The following KCMF1 variants were observed in gnomAD, a reference collection of about 807,000 sequenced individuals.
KCMF1 encodes E3 ubiquitin-protein ligase KCMF1.
In KCMF1, 3 loss-of-function variants were observed where a neutral mutation model predicts 41.1. That is an observed-to-expected ratio of 0.07 (90% CI 0.03 to 0.19). The LOEUF is 0.19. Among genes scored for constraint, KCMF1 ranks in the 10% least tolerant of loss-of-function variants. The pLI is 1.00. For synonymous variants in KCMF1, 142 were observed against 164.5 expected (o/e 0.86, Z 1.04); for missense variants, 286 against 488.9 (o/e 0.58, Z 3.91).
At chr2:85,017,239 G>A (rs1674796930) in intron 1 of KCMF1, among the ~76,000 whole-genome samples, 1 of 151,442 alleles carries the variant, frequency 6.6e-6, no homozygotes, top group Non-Finnish European at 1.5e-5. Context: ...TGTTAGCCAG[G>A]ATGGTCTCGA....
At position 84,974,683 on chromosome 2, in the gene KCMF1, ATATATATATTTTTTTTTTT is replaced by A. The variant is rs1211677375; in HGVS notation, c.16+3218_16+3236del. 1.5e-4 allele frequency among the ~76,000 whole-genome samples: 6 copies of A among 39,698 alleles called. No homozygotes were observed. The South Asian group carries it at 6.1e-3, about 40-fold the overall frequency. 26.0% of individuals were successfully genotyped at this position (39,698 alleles called of 152,430 possible). On this transcript the variant is annotated intron_variant, in intron 1 of 6. Coordinates refer to ENST00000409785, the MANE Select transcript of KCMF1 (RefSeq NM_020122.5). ...CATATATATATATATATATATATATATATATATATTTTTTTTTTTTTTTTTTTTTTTTTTTTTTTTGAGA... is the reference window on the plus strand; with the variant it reads ...CATATATATATATATATATATATATATTTTTTTTTTTTTTTTTTTTTGAGA...
chr2:85,050,326 T>C (rs534368411), intron 6 of KCMF1, among the ~76,000 whole-genome samples: 84 of 152,316 alleles, frequency 5.5e-4, no homozygotes, highest in East Asian at 5.0e-3. Flanking sequence ...CTTTGAAATA[T>C]TAAAAGTATA....
intron 1 of KCMF1, among the ~76,000 whole-genome samples, chr2:85,015,085 C>T (rs1354560422): frequency 7.2e-6 from 1 of 139,200 alleles, no homozygotes; most frequent in African/African-American, 2.7e-5. Context: ...ACCAAGGAGG[C>T]GGAGGTTGCA....
intron 1 of KCMF1, among the ~76,000 whole-genome samples, chr2:84,976,607 G>A (rs1237769796): frequency 6.6e-6 from 1 of 151,104 alleles, no homozygotes; most frequent in East Asian, 1.9e-4. Context: ...CTAGATGGGA[G>A]GCTGAGAGAC....
In KCMF1 at chr2:85,054,350, A is replaced by G. The variant is rs904377152; in HGVS notation, c.*941A>G. 3 of 152,080 alleles carry G rather than the reference A, an allele frequency of 2.0e-5. No individual in the cohort carries two copies. Among genetic ancestry groups the G allele is most frequent in the Non-Finnish European group, 4.4e-5 (3 of 68,022 alleles). The allele number at this position is 152,080 out of a possible 1,614,324, so 9.4% of individuals were successfully genotyped here. On this transcript the variant is annotated 3_prime_UTR_variant, in exon 7 of 7. Coordinates refer to ENST00000409785, the MANE Select transcript of KCMF1 (RefSeq NM_020122.5). ...CAATCATATTTTGCATTATTTATGT[A>G]TTTGCTTTGTAGTTTGCTGAGACAG...
chr2:85,055,213 A>G lies in KCMF1; in HGVS notation c.*1804A>G, dbSNP rs1386975311. 2.6e-5 allele frequency: 4 copies of G among 152,254 alleles called. No individual in the cohort carries two copies. Among genetic ancestry groups the G allele is most frequent in the Admixed American group, 2.6e-4 (4 of 15,290 alleles). The allele number at this position is 152,254 out of a possible 1,614,324, so 9.4% of individuals were successfully genotyped here. A position where few individuals can be genotyped will look rare whatever the true frequency, so the allele number is the denominator to read the frequency against. Reference sequence around the variant, plus strand: ...TTTCAAACACATCTGCACATAAGTCACACATTTCAATAAAGCATTTTCAAG... The same window carrying G: ...TTTCAAACACATCTGCACATAAGTCGCACATTTCAATAAAGCATTTTCAAG... On this transcript the variant is annotated 3_prime_UTR_variant, in exon 7 of 7. Transcript: ENST00000409785.
intron 1 of KCMF1, among the ~76,000 whole-genome samples, chr2:85,025,552 C>T (rs1558579897): frequency 3.3e-5 from 5 of 152,108 alleles, no homozygotes; most frequent in Non-Finnish European, 4.4e-5. Flanking sequence ...TTCTGGCAAC[C>T]ACTGTTCTAC....
Position 85,057,294 on chromosome 2 carries a change from T to G in KCMF1, c.*3885T>G, listed in dbSNP as rs945845391. Reference sequence around the variant, plus strand: ...ATCTGTGCTCTTTCTAAAGCTCAACTAGACACTAAAACAGTTCTCTCCTTG... The same window carrying G: ...ATCTGTGCTCTTTCTAAAGCTCAACGAGACACTAAAACAGTTCTCTCCTTG... On this transcript the variant is annotated 3_prime_UTR_variant, in exon 7 of 7. Coordinates refer to ENST00000409785, the MANE Select transcript of KCMF1 (RefSeq NM_020122.5). 4 of 152,164 alleles carry G rather than the reference T, an allele frequency of 2.6e-5. No homozygotes were observed. Among genetic ancestry groups the G allele is most frequent in the African/African-American group, 9.7e-5 (4 of 41,424 alleles). The allele number at this position is 152,164 out of a possible 1,614,324, so 9.4% of individuals were successfully genotyped here.
chr2:85,043,892 A>G (rs1394338768), intron 4 of KCMF1, among the ~76,000 whole-genome samples: 1 of 152,206 alleles, frequency 6.6e-6, no homozygotes, highest in Admixed American at 6.5e-5. Flanking sequence ...ATCCCCCAAA[A>G]GAGGAAAAGT....
intron 1 of KCMF1, among the ~76,000 whole-genome samples, chr2:84,981,072 C>T (rs77548161): frequency 1.3e-5 from 2 of 150,816 alleles, no homozygotes; most frequent in East Asian, 3.9e-4. Flanking sequence ...AAAAAAAAAA[C>T]TGAGATCAGA....
chr2:85,003,576 A>G (rs542176244), intron 1 of KCMF1, among the ~76,000 whole-genome samples: 1 of 152,064 alleles, frequency 6.6e-6, no homozygotes, highest in Non-Finnish European at 1.5e-5. Context: ...GCACAAGCTT[A>G]TAAATGTTTG....
chr2:85,021,312 T>C (rs1356322620), intron 1 of KCMF1, among the ~76,000 whole-genome samples: 1 of 152,138 alleles, frequency 6.6e-6, no homozygotes, highest in Non-Finnish European at 1.5e-5. Context: ...CAAATTGTAT[T>C]CTGGGAAAGC....
chr2:85,029,464 G>A (rs769208457), intron 2 of KCMF1, among the ~76,000 whole-genome samples: 6 of 151,688 alleles, frequency 4.0e-5, no homozygotes, highest in African/African-American at 9.7e-5. Flanking sequence ...ATGTGGTGGC[G>A]CACATGCATC....
chr2:84,981,717 C>G (rs780277003), intron 1 of KCMF1, among the ~76,000 whole-genome samples: 1 of 152,088 alleles, frequency 6.6e-6, no homozygotes, highest in Non-Finnish European at 1.5e-5. Flanking sequence ...CCCTACTCAG[C>G]AAAGTAAAGG....
chr2:84,996,778 ATAATT>A (rs2103984219), intron 1 of KCMF1, among the ~76,000 whole-genome samples: 1 of 152,286 alleles, frequency 6.6e-6, no homozygotes, highest in Non-Finnish European at 1.5e-5. Flanking sequence ...AATTAATGAG[ATAATT>A]TAATAAGTAG....
At chr2:85,004,684 G>GC (rs1374289245) in intron 1 of KCMF1, among the ~76,000 whole-genome samples, 3 of 151,986 alleles carry the variant, frequency 2.0e-5, no homozygotes, top group African/African-American at 7.2e-5. Context: ...TGAGAATGAA[G>GC]CCAGTTGTGA....
chr2:84,990,693 G>C (rs1056184190), intron 1 of KCMF1, among the ~76,000 whole-genome samples: 1 of 151,950 alleles, frequency 6.6e-6, no homozygotes, highest in Non-Finnish European at 1.5e-5. Context: ...TCAGATGATT[G>C]GTGTGTGTGT....
At chr2:84,982,576 T>A (rs1673792462) in intron 1 of KCMF1, among the ~76,000 whole-genome samples, 1 of 151,916 alleles carries the variant, frequency 6.6e-6, no homozygotes, top group African/African-American at 2.4e-5. Context: ...TTTTTGTATT[T>A]TTAGTAGAGA....
chr2:84,979,237 T>C (rs979149246), intron 1 of KCMF1, among the ~76,000 whole-genome samples: 10 of 152,156 alleles, frequency 6.6e-5, no homozygotes, highest in Non-Finnish European at 1.0e-4. Flanking sequence ...GTTTTTTAAA[T>C]CACTTTATGA....
Sources: gnomAD v4.1 joint callset for allele counts (sites outside exome capture counted in the v4.1 genomes callset) on GRCh38, gnomAD v4.1.1 for gene constraint, MANE v1.5 for transcripts, NCBI Gene and HGNC (gene_info 2026-07-23, HGNC 2026-07-21) for gene names.